IGFL2: variants seen among roughly 807,000 people sequenced by gnomAD.
IGFL2 encodes insulin growth factor-like family member 2.
In IGFL2, 7 loss-of-function variants were observed where a neutral mutation model predicts 13.9. The observed-to-expected ratio is 0.51, with a 90% CI of 0.29 to 0.95. IGFL2 has a LOEUF of 0.95. IGFL2 is among the 40% of genes least tolerant of loss of function. IGFL2 has a pLI of 0.08. For synonymous variants in IGFL2, 55 were observed against 55.8 expected (o/e 0.99, Z 0.07); for missense variants, 138 against 147.8 (o/e 0.93, Z 0.34).
chr19:46,200,825 C>A, the IGFL2 span: 1 of 152,182 alleles, frequency 6.6e-6, no homozygotes, highest in Non-Finnish European at 1.5e-5. Context: ...CTGACCACTT[C>A]ATTCTTGTTG....
At chr19:46,165,338 A>G (rs1015226233), downstream of IGFL2, among the ~76,000 whole-genome samples, 6 of 152,222 alleles carry the variant, frequency 3.9e-5, no homozygotes, top group African/African-American at 1.4e-4. Flanking sequence ...CAACAATGCT[A>G]CACTACATAT....
At chr19:46,091,717 C>T in the IGFL2 span, among the ~76,000 whole-genome samples, 1 of 152,138 alleles carries the variant, frequency 6.6e-6, no homozygotes, top group Non-Finnish European at 1.5e-5. Context: ...GAAGCAGCTA[C>T]AAGAGCTGAA....
chr19:46,150,675 A>G (rs1364055490), intron 1 of IGFL2, among the ~76,000 whole-genome samples: 1 of 151,994 alleles, frequency 6.6e-6, no homozygotes, highest in South Asian at 2.1e-4. Flanking sequence ...ACAACACACC[A>G]TTTGTTTTTT....
chr19:46,095,173 A>G, the IGFL2 span, among the ~76,000 whole-genome samples: 1 of 152,216 alleles, frequency 6.6e-6, no homozygotes, highest in Non-Finnish European at 1.5e-5. Context: ...GTTTCTCCAC[A>G]GCCTTGCCAG....
At chr19:46,194,826 C>A in the IGFL2 span, among the ~76,000 whole-genome samples, 2 of 95,230 alleles carry the variant, frequency 2.1e-5, no homozygotes, top group African/African-American at 4.1e-5. Flanking sequence ...CAGGCTTCCT[C>A]ATTTTATATA....
the IGFL2 span, among the ~76,000 whole-genome samples, chr19:46,193,634 G>C: frequency 1.3e-5 from 2 of 152,170 alleles, no homozygotes; most frequent in African/African-American, 2.4e-5. Flanking sequence ...TGAATCTGCT[G>C]TACCTGAAAT....
upstream of IGFL2, among the ~76,000 whole-genome samples, chr19:46,142,346 A>G (rs915898402): frequency 1.3e-5 from 2 of 152,240 alleles, no homozygotes; most frequent in African/African-American, 4.8e-5. Context: ...ACCACCAGGT[A>G]ATTTCCTCAA....
chr19:46,083,044 A>G, the IGFL2 span, among the ~76,000 whole-genome samples: 2 of 152,214 alleles, frequency 1.3e-5, no homozygotes, highest in African/African-American at 4.8e-5. Flanking sequence ...TTAAATTCCT[A>G]GAACTGAAAC....
At chr19:46,153,206 G>GT (rs1216941918) in intron 1 of IGFL2, among the ~76,000 whole-genome samples, 2 of 152,182 alleles carry the variant, frequency 1.3e-5, no homozygotes, top group East Asian at 1.9e-4. Context: ...GTTGTGTTTG[G>GT]TTTTTTTGAA....
chr19:46,157,395 T>A (rs966821617), intron 1 of IGFL2, among the ~76,000 whole-genome samples: 1 of 152,206 alleles, frequency 6.6e-6, no homozygotes, highest in Non-Finnish European at 1.5e-5. Context: ...ATTTGTAAAT[T>A]AAATTCAGCA....
the IGFL2 span, among the ~76,000 whole-genome samples, chr19:46,108,704 G>A: frequency 6.4e-4 from 97 of 152,166 alleles, no homozygotes; most frequent in African/African-American, 2.3e-3. Context: ...AGGCATCCCC[G>A]CAGTGATCAG....
chr19:46,121,394 GA>G, the IGFL2 span, among the ~76,000 whole-genome samples: 160 of 124,372 alleles, frequency 1.3e-3, 1 homozygote, highest in Non-Finnish European at 1.0e-3. Context: ...ATCCTGTCTT[GA>G]AAAAAAAAAA....
the IGFL2 span, among the ~76,000 whole-genome samples, chr19:46,210,624 G>A: frequency 2.5e-4 from 38 of 152,288 alleles, no homozygotes; most frequent in African/African-American, 7.9e-4. Context: ...GGAGAAAGAC[G>A]TAGGCTGGAA....
chr19:46,120,387 T>C, the IGFL2 span: 1 of 1,610,108 alleles, frequency 6.2e-7, no homozygotes, highest in East Asian at 2.3e-5. Context: ...CAAAGTGTCT[T>C]AACAACATAT....
the IGFL2 span, among the ~76,000 whole-genome samples, chr19:46,087,653 G>T: frequency 2.6e-5 from 4 of 152,272 alleles, no homozygotes; most frequent in South Asian, 2.1e-4. Flanking sequence ...TGGGGCATGT[G>T]TGCTTTGCCT....
At chr19:46,169,486 A>T in the IGFL2 span, among the ~76,000 whole-genome samples, 1 of 152,226 alleles carries the variant, frequency 6.6e-6, no homozygotes, top group Non-Finnish European at 1.5e-5. Flanking sequence ...TTCAAGGTGG[A>T]TAAATAAATA....
the IGFL2 span, among the ~76,000 whole-genome samples, chr19:46,099,578 G>A: frequency 6.6e-6 from 1 of 151,216 alleles, no homozygotes; most frequent in African/African-American, 2.4e-5. Flanking sequence ...ACCCAGGCTG[G>A]AGTGCAGTGG....
chr19:46,125,951 G>T, the IGFL2 span, among the ~76,000 whole-genome samples: 276 of 152,166 alleles, frequency 1.8e-3, no homozygotes, highest in Non-Finnish European at 3.3e-3. Context: ...AAGTTAATGT[G>T]TACTTAATTT....
At chr19:46,201,224 A>G in the IGFL2 span, among the ~76,000 whole-genome samples, 430 of 152,318 alleles carry the variant, frequency 2.8e-3, 3 homozygotes, top group African/African-American at 9.8e-3. Context: ...CAAGAGAGAT[A>G]CAGGGATGTT....
Sources: gnomAD v4.1 joint callset for allele counts (sites outside exome capture counted in the v4.1 genomes callset) on GRCh38, gnomAD v4.1.1 for gene constraint, MANE v1.5 for transcripts, NCBI Gene and HGNC (gene_info 2026-07-23, HGNC 2026-07-21) for gene names.